Variants in FOXN2 observed in about 807,000 individuals in gnomAD.
FOXN2 encodes the protein forkhead box N2.
A neutral mutation model predicts 41.2 loss-of-function variants in FOXN2; 19 were observed. That is an observed-to-expected ratio of 0.46 (90% CI 0.32 to 0.68). FOXN2 has a LOEUF of 0.68. Ranked by LOEUF, FOXN2 falls within the 30% of genes least tolerant of loss-of-function variation. The pLI is 0.03. For missense variants in FOXN2, 587 were observed against 509.4 expected, an observed-to-expected ratio of 1.15 and a Z score of -1.47; for synonymous variants, 195 against 176.8, an observed-to-expected ratio of 1.10 and a Z score of -0.82.
At chr2:48,356,991 T>C (rs1340491232) in intron 3 of FOXN2, among the ~76,000 whole-genome samples, 1 of 152,226 alleles carries the variant, frequency 6.6e-6, no homozygotes, top group Admixed American at 6.5e-5. Flanking sequence ...ATTTGTATTC[T>C]CTCATCTAAG....
chr2:48,324,506 A>T (rs946135038), intron 1 of FOXN2, among the ~76,000 whole-genome samples: 3 of 151,358 alleles, frequency 2.0e-5, no homozygotes, highest in Non-Finnish European at 4.4e-5. Context: ...CATCCTTCAA[A>T]TTTTTTTTTG....
At chr2:48,342,047 A>T (rs74587966) in intron 2 of FOXN2, among the ~76,000 whole-genome samples, 13,594 of 152,258 alleles carry the variant, frequency 0.089, 660 homozygotes, top group South Asian at 0.13. Flanking sequence ...AATGTAGTAC[A>T]GCCTTTTCTC....
chr2:48,327,422 A>C (rs939526404), intron 1 of FOXN2, among the ~76,000 whole-genome samples: 2 of 151,748 alleles, frequency 1.3e-5, no homozygotes, highest in Admixed American at 6.6e-5. Context: ...TTTAGAAAGT[A>C]TTACTTTCTA....
intron 2 of FOXN2, among the ~76,000 whole-genome samples, chr2:48,341,950 T>A (rs1396310801): frequency 6.6e-6 from 1 of 152,270 alleles, no homozygotes; most frequent in Non-Finnish European, 1.5e-5. Flanking sequence ...AGGTGGCTTC[T>A]GTTTTTGACT....
chr2:48,363,373 A>C (rs1485379404), intron 5 of FOXN2, among the ~76,000 whole-genome samples: 2 of 150,552 alleles, frequency 1.3e-5, no homozygotes, highest in African/African-American at 2.4e-5. Context: ...GTAAAAATTT[A>C]AAAAATTAAA....
intron 5 of FOXN2, among the ~76,000 whole-genome samples, chr2:48,365,782 G>T (rs563372851): frequency 6.6e-6 from 1 of 152,088 alleles, no homozygotes; most frequent in East Asian, 1.9e-4. Flanking sequence ...CATCTGTCCT[G>T]GAATATAATA....
intron 3 of FOXN2, among the ~76,000 whole-genome samples, chr2:48,357,381 C>T (rs1212756078): frequency 6.6e-6 from 1 of 152,108 alleles, no homozygotes; most frequent in Non-Finnish European, 1.5e-5. Context: ...TAGAGCATGG[C>T]TAGCATTATT....
intron 3 of FOXN2, among the ~76,000 whole-genome samples, chr2:48,350,944 G>A (rs1451373327): frequency 6.6e-6 from 1 of 152,090 alleles, no homozygotes; most frequent in East Asian, 1.9e-4. Flanking sequence ...TCACCTCACA[G>A]GATGGACTCT....
rs182290843 is a variant in FOXN2 at position 48,350,046 on chromosome 2, G to C, written c.537+3295G>C. 3.3e-3 allele frequency among the ~76,000 whole-genome samples: 496 copies of C among 152,330 alleles called. 5 individuals carry two copies. The highest frequency in any genetic ancestry group is 0.011 in the African/African-American group (469 of 41,574). ...AGGAAGACTGCAGGCAGGCCAGGAA[G>C]CCTAAGAGAAACCCTTATGAATGAA... On this transcript the variant is annotated intron_variant, in intron 3 of 6. Transcript: ENST00000340553.
intron 1 of FOXN2, among the ~76,000 whole-genome samples, chr2:48,328,153 G>A (rs72818500): frequency 0.055 from 8,342 of 152,256 alleles, 300 homozygotes; most frequent in Middle Eastern, 0.088. Flanking sequence ...ACAAGACCAC[G>A]TGTTTATATT....
At chr2:48,370,001 CAAAAAAAGAAAAGAAAA>C (rs1181906169) in intron 5 of FOXN2, among the ~76,000 whole-genome samples, 1 of 145,220 alleles carries the variant, frequency 6.9e-6, no homozygotes, top group Non-Finnish European at 1.5e-5. Context: ...CCTTGTATCT[CAAAAAAAGAAAAGAAAA>C]AAAAAAAGAA....
At chr2:48,344,767 TA>T (rs1670986784) in intron 2 of FOXN2, among the ~76,000 whole-genome samples, 1 of 150,292 alleles carries the variant, frequency 6.7e-6, no homozygotes, top group Non-Finnish European at 1.5e-5. Context: ...AAAGTAGAAA[TA>T]AAATTAGCCG....
At chr2:48,320,301 T>TG (rs1219288834) in intron 1 of FOXN2, among the ~76,000 whole-genome samples, 4 of 151,984 alleles carry the variant, frequency 2.6e-5, no homozygotes, top group African/African-American at 9.7e-5. Context: ...TAATTTTTTT[T>TG]TTATTTTGAG....
At chr2:48,333,109 G>A (rs1670117394) in intron 2 of FOXN2, among the ~76,000 whole-genome samples, 1 of 152,032 alleles carries the variant, frequency 6.6e-6, no homozygotes, top group Non-Finnish European at 1.5e-5. Flanking sequence ...CCTTTCTAAA[G>A]GAAGAAGGCT....
chr2:48,355,686 A>T (rs1354040646), intron 3 of FOXN2, among the ~76,000 whole-genome samples: 1 of 152,128 alleles, frequency 6.6e-6, no homozygotes, highest in Non-Finnish European at 1.5e-5. Flanking sequence ...CCTTGACAGC[A>T]CTTTTCTGAT....
chr2:48,358,100 A>G (rs1309436028), intron 3 of FOXN2, among the ~76,000 whole-genome samples: 1 of 151,976 alleles, frequency 6.6e-6, no homozygotes, highest in Non-Finnish European at 1.5e-5. Flanking sequence ...TTCTCTCCTA[A>G]ATTAATTTTA....
Position 48,373,300 on chromosome 2 carries a change from A to G in FOXN2, c.712A>G (p.Ile238Val), listed in dbSNP as rs769105298. 1.9e-6 allele frequency: 3 copies of G among 1,591,840 alleles called. No homozygotes were observed. In the Admixed American group the frequency reaches 5.3e-5, roughly 28 times the overall value. ...NQVRNLKESDIDAAAAMMLLN... is the reference protein window; with the variant it reads ...NQVRNLKESDVDAAAAMMLLN... ...ACTTTTTCCCTTTTCAGAATCTGAT[A>G]TTGATGCTGCTGCTGCAATGATGCT... The change falls in exon 6 of 7, where the codon ATT becomes GTT. Residue 238 changes from isoleucine (I) to valine (V), a missense_variant. Transcript: ENST00000340553.
At chr2:48,356,473 T>G (rs1671805565) in intron 3 of FOXN2, among the ~76,000 whole-genome samples, 1 of 152,178 alleles carries the variant, frequency 6.6e-6, no homozygotes, top group Non-Finnish European at 1.5e-5. Flanking sequence ...GTCTTGTATG[T>G]ACTTTTCTAA....
Position 48,376,354 on chromosome 2 carries a change from TATAATC to T in FOXN2, c.*912_*917del, listed in dbSNP as rs1362882639. ...CATGTGTACTGTATTATGAGAATCT[TATAATC>T]GGAATGGAGTGAAATGAAACATTTT... On this transcript the variant is annotated 3_prime_UTR_variant, in exon 7 of 7. Transcript: ENST00000340553. 6.6e-6 allele frequency: 1 copy of T among 152,088 alleles called. No homozygotes were observed. The highest frequency in any genetic ancestry group is 1.5e-5 in the Non-Finnish European group (1 of 67,976). The allele number at this position is 152,088 out of a possible 1,614,324, so 9.4% of individuals were successfully genotyped here.
Sources: allele counts gnomAD v4.1 joint callset (sites outside exome capture counted in the v4.1 genomes callset), GRCh38; gene constraint gnomAD v4.1.1; transcripts MANE v1.5; gene names NCBI Gene and HGNC (gene_info 2026-07-23, HGNC 2026-07-21).